Variants in ZSCAN30 observed in about 807,000 individuals in gnomAD.
ZSCAN30 encodes the protein zinc finger and SCAN domain containing 30, also known as zinc finger and SCAN domain-containing protein 30.
ZSCAN30 carries 37 observed loss-of-function variants against 44.3 expected under a neutral mutation model. The ratio of observed to expected loss-of-function variants is 0.84; its 90% confidence interval spans 0.64 to 1.10. The LOEUF is 1.10. ZSCAN30 is among the 50% of genes least tolerant of loss of function. The pLI is 0.00. For missense variants in ZSCAN30, 549 were observed against 582.6 expected, an observed-to-expected ratio of 0.94 and a Z score of 0.59; for synonymous variants, 181 against 204.6, an observed-to-expected ratio of 0.88 and a Z score of 0.98.
At chr18:35,265,075 G>T (rs187114760) in intron 1 of ZSCAN30, among the ~76,000 whole-genome samples, 4,956 of 151,982 alleles carry the variant, frequency 0.033, 268 homozygotes, top group African/African-American at 0.11. Flanking sequence ...GAACCCGGGA[G>T]GGGGAGCTTG....
intron 1 of ZSCAN30, chr18:35,266,714 C>T (rs1200274683): frequency 3.0e-5 from 4 of 134,252 alleles, no homozygotes; most frequent in African/African-American, 8.5e-5. Context: ...TCGCCCAGGC[C>T]AGACTGCAGT....
intron 1 of ZSCAN30, among the ~76,000 whole-genome samples, chr18:35,286,018 A>G (rs899095444): frequency 8.5e-5 from 13 of 152,192 alleles, no homozygotes; most frequent in Non-Finnish European, 1.3e-4. Flanking sequence ...AGGTAACATC[A>G]CTGCAGATTC....
chr18:35,278,537 A>C (rs2044403973), intron 1 of ZSCAN30, among the ~76,000 whole-genome samples: 1 of 152,190 alleles, frequency 6.6e-6, no homozygotes, highest in South Asian at 2.1e-4. Flanking sequence ...TTCTGCTGAA[A>C]TAGTTAATTG....
chr18:35,280,246 G>A (rs114754696), intron 1 of ZSCAN30, among the ~76,000 whole-genome samples: 4,988 of 149,068 alleles, frequency 0.033, 281 homozygotes, highest in African/African-American at 0.12. Context: ...ACTGCACTCC[G>A]GCCTGGGTGA....
chr18:35,263,291 T>C (rs2044067746), intron 3 of ZSCAN30: 1 of 519,180 alleles, frequency 1.9e-6, no homozygotes, highest in Admixed American at 3.4e-5. Flanking sequence ...ATTATGGGTA[T>C]TAGAGAATTT....
At chr18:35,266,157 G>A (rs1221216582) in intron 1 of ZSCAN30, among the ~76,000 whole-genome samples, 3 of 152,204 alleles carry the variant, frequency 2.0e-5, no homozygotes, top group Admixed American at 6.5e-5. Flanking sequence ...GCTTTAGTAA[G>A]TGCCACAAGA....
At chr18:35,263,180 G>A in intron 3 of ZSCAN30, 2 of 375,290 alleles carry the variant, frequency 5.3e-6, no homozygotes, top group Non-Finnish European at 5.1e-6. Flanking sequence ...GTTCAAGGCT[G>A]CTGCAGTGAG....
intron 1 of ZSCAN30, among the ~76,000 whole-genome samples, chr18:35,273,737 C>A (rs554323727): frequency 1.3e-5 from 2 of 152,210 alleles, no homozygotes; most frequent in African/African-American, 4.8e-5. Flanking sequence ...CAGTACCACA[C>A]TGTTTTGATA....
intron 3 of ZSCAN30, chr18:35,259,041 T>C (rs942730263): frequency 6.5e-6 from 1 of 154,016 alleles, no homozygotes; most frequent in Admixed American, 6.5e-5. Flanking sequence ...TAATATAGTA[T>C]GTTTACTAGG....
In ZSCAN30 at chr18:35,253,660, A is replaced by C. The variant is rs1457141277; in HGVS notation, c.1275T>G (p.Ser425Arg). The C allele has an allele frequency of 1.4e-5, 22 of 1,613,544 alleles. No individual in the cohort carries two copies. Among genetic ancestry groups the C allele is most frequent in the Non-Finnish European group, 1.7e-5 (20 of 1,179,928 alleles). The change falls in exon 4 of 4, where the codon AGT becomes AGG. Residue 425 changes from serine (S) to arginine (R), a missense_variant. Transcript: ENST00000333206. ...CIACGKAFGR[S>R]SILIEHQRIH... ...TTCTTTGATGTTCAATAAGGATAGA[A>C]CTCCTACCAAAAGCCTTACCACATG... is the stretch of plus-strand genomic sequence containing the variant.
chr18:35,257,342 A>G (rs2043865358), intron 3 of ZSCAN30: 2 of 152,746 alleles, frequency 1.3e-5, no homozygotes, highest in Non-Finnish European at 2.9e-5. Context: ...TGGCTCCTCC[A>G]ATGATGTGAA....
chr18:35,258,296 T>G, intron 3 of ZSCAN30: 1 of 322,484 alleles, frequency 3.1e-6, no homozygotes, highest in Non-Finnish European at 5.8e-6. Context: ...TCCAAGGACA[T>G]TGGAGAGATA....
intron 3 of ZSCAN30, 42 bp from the exon 4 acceptor site, chr18:35,254,423 A>C (rs774783602): frequency 6.2e-7 from 1 of 1,613,386 alleles, no homozygotes. Context: ...TTTACTTCCC[A>C]TGACAGAAGA....
At chr18:35,259,567 A>G (rs1250643196) in intron 3 of ZSCAN30, 2 of 153,878 alleles carry the variant, frequency 1.3e-5, no homozygotes, top group African/African-American at 4.8e-5. Context: ...AAGGACATCA[A>G]TTATTTTGGA....
intron 1 of ZSCAN30, among the ~76,000 whole-genome samples, chr18:35,274,355 G>C (rs756798503): frequency 1.3e-5 from 2 of 152,164 alleles, no homozygotes; most frequent in Non-Finnish European, 2.9e-5. Context: ...TCCTCTTCTA[G>C]AGAGAATCAT....
chr18:35,265,861 A>G (rs528063624), intron 1 of ZSCAN30, among the ~76,000 whole-genome samples: 2 of 152,288 alleles, frequency 1.3e-5, no homozygotes, highest in Admixed American at 1.3e-4. Context: ...AGCACAAGGG[A>G]AAGATGACTG....
intron 1 of ZSCAN30, chr18:35,285,117 A>G (rs1310139884): frequency 2.0e-5 from 3 of 153,600 alleles, no homozygotes; most frequent in Non-Finnish European, 1.5e-5. Flanking sequence ...CAGATGGTCC[A>G]GATGGCCCAC....
chr18:35,271,344 A>G (rs964493754), intron 1 of ZSCAN30, among the ~76,000 whole-genome samples: 2 of 152,176 alleles, frequency 1.3e-5, no homozygotes, highest in Non-Finnish European at 2.9e-5. Context: ...CTAGACACAG[A>G]GTGCTGATTG....
intron 1 of ZSCAN30, 38 bp from the exon 2 acceptor site, chr18:35,264,493 A>G: frequency 2.3e-6 from 2 of 870,070 alleles, no homozygotes; most frequent in Non-Finnish European, 3.4e-6. Context: ...CAGGGAAAAT[A>G]ATGTACTTGG....
Sources: allele counts gnomAD v4.1 joint callset (sites outside exome capture counted in the v4.1 genomes callset), GRCh38; gene constraint gnomAD v4.1.1; transcripts MANE v1.5; gene names NCBI Gene and HGNC (gene_info 2026-07-23, HGNC 2026-07-21).